Variants in PRKG1 observed in about 807,000 individuals in gnomAD.
The protein encoded by PRKG1 is protein kinase cGMP-dependent 1.
PRKG1 carries 35 observed loss-of-function variants against 88.1 expected under a neutral mutation model. The ratio of observed to expected loss-of-function variants is 0.40; its 90% CI spans 0.30 to 0.53. The LOEUF (loss-of-function observed/expected upper bound fraction) is 0.53. Ranked by LOEUF, PRKG1 falls within the 20% of genes least tolerant of loss-of-function variation. PRKG1 has a pLI of 0.59. For missense variants in PRKG1, 540 were observed against 839.8 expected, an observed-to-expected ratio of 0.64 and a Z score of 4.41; for synonymous variants, 303 against 292.5, an observed-to-expected ratio of 1.04 and a Z score of -0.37.
In PRKG1 at chr10:51,638,601, G is replaced by A. The variant is rs562891420; in HGVS notation, c.593-165984G>A. 9.9e-5 allele frequency among the ~76,000 whole-genome samples: 15 copies of A among 152,192 alleles called. No individual in the cohort carries two copies. In the East Asian group the frequency reaches 1.5e-3, roughly 16 times the overall value. On this transcript the variant is annotated intron_variant, in intron 3 of 17. Coordinates refer to ENST00000373980, the MANE Select transcript of PRKG1 (RefSeq NM_006258.4). ...CTGATGTTCATGTACTTTGACTGCC[G>A]TCTTCAAAAGGCATATAGATAACCA...
At chr10:51,608,810 G>C (rs1307857483) in intron 3 of PRKG1, among the ~76,000 whole-genome samples, 2 of 152,018 alleles carry the variant, frequency 1.3e-5, no homozygotes, top group Non-Finnish European at 2.9e-5. Flanking sequence ...CTTACTGCCG[G>C]GTGACATCTT....
At chr10:51,129,097 T>C (rs1336943531) in intron 1 of PRKG1, among the ~76,000 whole-genome samples, 1 of 152,214 alleles carries the variant, frequency 6.6e-6, no homozygotes, top group Non-Finnish European at 1.5e-5. Flanking sequence ...TGTAAGCACT[T>C]TGTCTTTTGA....
intron 5 of PRKG1, among the ~76,000 whole-genome samples, chr10:51,948,016 C>A (rs1045148698): frequency 2.6e-5 from 4 of 151,902 alleles, no homozygotes; most frequent in Non-Finnish European, 5.9e-5. Flanking sequence ...AAAGTTTATT[C>A]CTTGGTTTCT....
intron 9 of PRKG1, among the ~76,000 whole-genome samples, chr10:52,209,403 C>T (rs1839901494): frequency 6.6e-6 from 1 of 152,040 alleles, no homozygotes; most frequent in African/African-American, 2.4e-5. Flanking sequence ...AGCAAACTGG[C>T]CACACACACA....
At chr10:51,626,827 G>A (rs983204728) in intron 3 of PRKG1, among the ~76,000 whole-genome samples, 1 of 152,142 alleles carries the variant, frequency 6.6e-6, no homozygotes, top group African/African-American at 2.4e-5. Flanking sequence ...TTTTTAATCA[G>A]TACCTATGCG....
At chr10:51,261,839 C>T (rs570529619) in intron 2 of PRKG1, among the ~76,000 whole-genome samples, 14 of 149,984 alleles carry the variant, frequency 9.3e-5, no homozygotes, top group Admixed American at 2.0e-4. Context: ...AGCAGAGTGT[C>T]GGTAGATGGA....
chr10:52,198,628 G>C (rs1473281516), intron 9 of PRKG1, among the ~76,000 whole-genome samples: 2 of 152,082 alleles, frequency 1.3e-5, no homozygotes, highest in Non-Finnish European at 2.9e-5. Flanking sequence ...CACGTCTGGA[G>C]CCCAGAATTC....
At chr10:51,284,182 G>A (rs1000431539) in intron 2 of PRKG1, among the ~76,000 whole-genome samples, 1 of 152,024 alleles carries the variant, frequency 6.6e-6, no homozygotes, top group Non-Finnish European at 1.5e-5. Context: ...AATAAAATCC[G>A]GTGAAAAGTA....
intron 2 of PRKG1, among the ~76,000 whole-genome samples, chr10:51,395,855 G>A (rs1837562730): frequency 6.6e-6 from 1 of 152,164 alleles, no homozygotes; most frequent in Admixed American, 6.5e-5. Context: ...GACCCTGTCA[G>A]TAGGGAGGCA....
chr10:52,158,387 G>A (rs1175712397), intron 8 of PRKG1, among the ~76,000 whole-genome samples: 1 of 151,604 alleles, frequency 6.6e-6, no homozygotes, highest in Non-Finnish European at 1.5e-5. Context: ...ACCTATAGTA[G>A]TACTTTTCTG....
chr10:51,592,021 A>G (rs7089257), intron 3 of PRKG1, among the ~76,000 whole-genome samples: 10,933 of 152,256 alleles, frequency 0.072, 1,287 homozygotes, highest in African/African-American at 0.25. Context: ...GCTAATTCTA[A>G]TTAGTATAGT....
At chr10:51,866,096 A>T (rs1841007901) in intron 4 of PRKG1, among the ~76,000 whole-genome samples, 1 of 152,018 alleles carries the variant, frequency 6.6e-6, no homozygotes, top group Admixed American at 6.6e-5. Flanking sequence ...AAGTAAAATA[A>T]TTGTTGACTG....
intron 7 of PRKG1, among the ~76,000 whole-genome samples, chr10:52,078,986 T>A (rs749348712): frequency 6.6e-6 from 1 of 152,194 alleles, no homozygotes; most frequent in Admixed American, 6.5e-5. Context: ...TACAGGCAAA[T>A]ATCATGGGAG....
chr10:51,182,952 A>T (rs1564630208), intron 2 of PRKG1, among the ~76,000 whole-genome samples: 1 of 152,202 alleles, frequency 6.6e-6, no homozygotes, highest in Non-Finnish European at 1.5e-5. Context: ...GTGGGAAAAA[A>T]GTAGAATCAC....
rs74135381 is a variant in PRKG1, at chr10:52,253,855, G to A, written c.1173+2189G>A. On this transcript the variant is annotated intron_variant, in intron 10 of 17. Transcript: ENST00000373980. ...GATCATTGGGTACAACTTCTACATCGGGACGGAGTGCACGTCCTTAACCTT... is the reference window on the plus strand; with the variant it reads ...GATCATTGGGTACAACTTCTACATCAGGACGGAGTGCACGTCCTTAACCTT... Among the ~76,000 whole-genome samples, 1,378 of 151,846 alleles carry A rather than the reference G, an allele frequency of 9.1e-3. 23 individuals carry two copies. The highest frequency in any genetic ancestry group is 0.031 in the African/African-American group (1,304 of 41,472).
intron 10 of PRKG1, 87 bp downstream of exon 10, chr10:52,251,753 T>C: frequency 1.8e-6 from 2 of 1,117,448 alleles, no homozygotes; most frequent in Non-Finnish European, 2.6e-6. Flanking sequence ...TCTTTTCTCT[T>C]GTTTTGTCTT....
chr10:51,897,622 G>A (rs1046640814), intron 4 of PRKG1, among the ~76,000 whole-genome samples: 2 of 152,016 alleles, frequency 1.3e-5, no homozygotes, highest in African/African-American at 4.8e-5. Flanking sequence ...TGTTTTTATT[G>A]GTTCCTTTCA....
At chr10:52,256,275 G>C (rs1841305723) in intron 10 of PRKG1, among the ~76,000 whole-genome samples, 1 of 139,224 alleles carries the variant, frequency 7.2e-6, no homozygotes. Flanking sequence ...ATTGTCTGCT[G>C]TGTGCCTCTC....
intron 3 of PRKG1, among the ~76,000 whole-genome samples, chr10:51,758,696 T>C (rs758485239): frequency 7.5e-4 from 114 of 152,156 alleles, no homozygotes; most frequent in Non-Finnish European, 1.1e-3. Flanking sequence ...AAATTTATTA[T>C]ACTTTAAGTT....
Sources: allele counts gnomAD v4.1 joint callset (sites outside exome capture counted in the v4.1 genomes callset), GRCh38; gene constraint gnomAD v4.1.1; transcripts MANE v1.5; gene names NCBI Gene and HGNC (gene_info 2026-07-23, HGNC 2026-07-21).